The following ZNF385B variants were observed in gnomAD, a reference collection of about 807,000 sequenced individuals.
ZNF385B encodes the protein zinc finger protein 533.
Under a neutral mutation model 39.2 loss-of-function variants are expected in ZNF385B, and 23 were observed. That is an observed-to-expected ratio of 0.59 (90% CI 0.42 to 0.83). The LOEUF (loss-of-function observed/expected upper bound fraction) is 0.83, where lower values mean the gene tolerates loss of function less well. ZNF385B is among the 40% of genes least tolerant of loss of function. ZNF385B has a pLI of 0.00. For synonymous variants in ZNF385B, 205 were observed against 222.6 expected (o/e 0.92, Z 0.70); for missense variants, 552 against 598.9 (o/e 0.92, Z 0.82).
intron 5 of ZNF385B, among the ~76,000 whole-genome samples, chr2:179,491,571 A>T (rs1206746553): frequency 6.6e-6 from 1 of 152,236 alleles, no homozygotes; most frequent in Non-Finnish European, 1.5e-5. Context: ...AAATAATGGG[A>T]ACCATTATAA....
rs749122027 is a variant in ZNF385B at position 179,769,550 on chromosome 2, T to C, written c.251A>G (p.Gln84Arg). The C allele has an allele frequency of 1.2e-6, 2 of 1,614,016 alleles. No homozygotes were observed. The highest frequency in any genetic ancestry group is 2.7e-5 in the African/African-American group (2 of 74,922). Residue 84 changes from glutamine to arginine, a missense_variant, in exon 3 of 10, where the codon CAG becomes CGG. Coordinates refer to ENST00000410066, the MANE Select transcript of ZNF385B (RefSeq NM_152520.6). ...GCTGGCCTGGGCGGGTGGTGGGGGC[T>C]GCCCATCACTCAGCTGCTTCACTCG... ...RKRVKQLSDGQPPPPAQASPS... is the reference protein window; with the variant it reads ...RKRVKQLSDGRPPPPAQASPS...
chr2:179,531,696 GT>G (rs2059263903), intron 4 of ZNF385B, among the ~76,000 whole-genome samples: 1 of 152,108 alleles, frequency 6.6e-6, no homozygotes, highest in Non-Finnish European at 1.5e-5. Flanking sequence ...GTATCCTATA[GT>G]TAGAGCTGTT....
intron 5 of ZNF385B, among the ~76,000 whole-genome samples, chr2:179,495,851 C>G (rs2056145173): frequency 6.6e-6 from 1 of 152,116 alleles, no homozygotes; most frequent in Admixed American, 6.6e-5. Flanking sequence ...CAAGTCCTTT[C>G]AAATATCTGC....
chr2:179,533,188 G>A (rs2059360769), intron 4 of ZNF385B, among the ~76,000 whole-genome samples: 2 of 152,148 alleles, frequency 1.3e-5, no homozygotes, highest in African/African-American at 2.4e-5. Flanking sequence ...AGCACTCTCT[G>A]AAAACAATGG....
At chr2:179,451,942 G>C (rs1348543889) in intron 6 of ZNF385B, among the ~76,000 whole-genome samples, 7 of 152,044 alleles carry the variant, frequency 4.6e-5, no homozygotes, top group Non-Finnish European at 7.4e-5. Context: ...TAATAAAGAT[G>C]CATGTCATCT....
At chr2:179,638,914 A>G (rs1692002601) in intron 3 of ZNF385B, among the ~76,000 whole-genome samples, 1 of 152,158 alleles carries the variant, frequency 6.6e-6, no homozygotes, top group Admixed American at 6.6e-5. Context: ...GAAATGGATT[A>G]TAATACTATT....
intron 3 of ZNF385B, among the ~76,000 whole-genome samples, chr2:179,578,370 A>G (rs1003009388): frequency 3.9e-5 from 6 of 152,126 alleles, no homozygotes; most frequent in African/African-American, 1.4e-4. Context: ...ACACACTACA[A>G]GTTAAGCCAT....
rs543916676 is a variant in ZNF385B at position 179,466,656 on chromosome 2, C to T, written c.715+16616G>A. Among the ~76,000 whole-genome samples, 30 of 152,048 alleles carry T rather than the reference C, an allele frequency of 2.0e-4. 1 individual carries two copies. Among genetic ancestry groups the T allele is most frequent in the South Asian group, 6.2e-4 (3 of 4,816 alleles). On this transcript the variant is annotated intron_variant, in intron 6 of 9. Transcript: ENST00000410066. Reference sequence around the variant, plus strand: ...AGAAATCCCACCAGGTGTGGTGGCTCATACCTGTAATCCCAGCACTATGGG... The same window carrying T: ...AGAAATCCCACCAGGTGTGGTGGCTTATACCTGTAATCCCAGCACTATGGG...
chr2:179,657,026 G>A (rs1032904933), intron 3 of ZNF385B, among the ~76,000 whole-genome samples: 1 of 152,112 alleles, frequency 6.6e-6, no homozygotes, highest in Non-Finnish European at 1.5e-5. Context: ...TTGTATCCTG[G>A]TGTAAAATAG....
intron 3 of ZNF385B, among the ~76,000 whole-genome samples, chr2:179,612,558 TCTTCC>T (rs1689377573): frequency 6.6e-6 from 1 of 152,222 alleles, no homozygotes; most frequent in Non-Finnish European, 1.5e-5. Context: ...ACTCTTGTTC[TCTTCC>T]CTTACTTTCT....
intron 1 of ZNF385B, among the ~76,000 whole-genome samples, chr2:179,843,636 C>T (rs1363842451): frequency 6.6e-6 from 1 of 152,208 alleles, no homozygotes; most frequent in Non-Finnish European, 1.5e-5. Flanking sequence ...TCAGAAGGGT[C>T]ACCATTCATT....
At chr2:179,693,897 C>T (rs1698532176) in intron 3 of ZNF385B, among the ~76,000 whole-genome samples, 2 of 152,114 alleles carry the variant, frequency 1.3e-5, no homozygotes. Context: ...CTGCTCTAGA[C>T]TAAATCCTTA....
chr2:179,720,939 T>G (rs1055873029), intron 3 of ZNF385B, among the ~76,000 whole-genome samples: 6 of 146,162 alleles, frequency 4.1e-5, no homozygotes, highest in Non-Finnish European at 7.5e-5. Context: ...TTTTTTTTTT[T>G]TTTTTTTTTT....
chr2:179,540,391 A>G (rs569780591), intron 4 of ZNF385B, among the ~76,000 whole-genome samples: 1 of 152,336 alleles, frequency 6.6e-6, no homozygotes, highest in African/African-American at 2.4e-5. Context: ...GGTTGCGGTG[A>G]GCCGAGATCC....
At chr2:179,743,182 A>G (rs1401288865) in intron 3 of ZNF385B, among the ~76,000 whole-genome samples, 2 of 152,054 alleles carry the variant, frequency 1.3e-5, no homozygotes, top group African/African-American at 4.8e-5. Context: ...CTAATTCTCA[A>G]CCCACAAATT....
intron 4 of ZNF385B, among the ~76,000 whole-genome samples, chr2:179,530,221 A>G (rs17816020): frequency 0.18 from 27,096 of 152,168 alleles, 3,244 homozygotes; most frequent in Non-Finnish European, 0.26. Flanking sequence ...TTAAATTTCC[A>G]TAACATAAAA....
chr2:179,664,620 C>T lies in ZNF385B; in HGVS notation c.298+104883G>A, dbSNP rs1694918160. On this transcript the variant is annotated intron_variant, in intron 3 of 9. Coordinates refer to ENST00000410066, the MANE Select transcript of ZNF385B (RefSeq NM_152520.6). ...TATAATCACAAACATATGGACACAT[C>T]CTAAATGTCCAACAGCAGAAGACTG... Among the ~76,000 whole-genome samples the T allele has an allele frequency of 8.5e-5, 13 of 152,154 alleles. 2 individuals are homozygous for T. The South Asian group carries it at 2.7e-3, about 32-fold the overall frequency.
intron 1 of ZNF385B, among the ~76,000 whole-genome samples, chr2:179,810,133 G>C (rs1160882549): frequency 6.6e-6 from 1 of 151,718 alleles, no homozygotes; most frequent in Non-Finnish European, 1.5e-5. Context: ...TGTCTTCTTA[G>C]GGGAATTTAT....
intron 1 of ZNF385B, among the ~76,000 whole-genome samples, chr2:179,860,602 C>G (rs776857872): frequency 6.6e-6 from 1 of 152,140 alleles, no homozygotes; most frequent in Non-Finnish European, 1.5e-5. Context: ...CCCATCTCAT[C>G]TGGGTTCTGC....
Sources: gnomAD v4.1 joint callset for allele counts (sites outside exome capture counted in the v4.1 genomes callset) on GRCh38, gnomAD v4.1.1 for gene constraint, MANE v1.5 for transcripts, NCBI Gene and HGNC (gene_info 2026-07-23, HGNC 2026-07-21) for gene names.